The following ATF6 variants were observed in gnomAD, a reference collection of about 807,000 sequenced individuals.
The protein encoded by ATF6 is activating transcription factor 6.
Under a neutral mutation model 83.6 loss-of-function variants are expected in ATF6, and 53 were observed. The observed-to-expected ratio is 0.63, with a 90% CI of 0.51 to 0.80. ATF6 has a LOEUF of 0.80. ATF6 is among the 30% of genes least tolerant of loss of function. ATF6 has a pLI of 0.00. For synonymous variants in ATF6, 288 were observed against 285.8 expected (o/e 1.01, Z -0.08); for missense variants, 744 against 797.9 (o/e 0.93, Z 0.81).
At chr1:161,852,374 A>G (rs1465036265) in intron 11 of ATF6, among the ~76,000 whole-genome samples, 4 of 152,194 alleles carry the variant, frequency 2.6e-5, no homozygotes, top group Non-Finnish European at 5.9e-5. Context: ...AAATAAGGGA[A>G]GTTATATATG....
rs1439641746 is a variant in ATF6, at chr1:161,917,956, A to G, written c.1804+5576A>G. Among the ~76,000 whole-genome samples the G allele has an allele frequency of 2.0e-5, 3 of 152,320 alleles. No homozygotes were observed. In the East Asian group the frequency reaches 5.8e-4, roughly 29 times the overall value. On this transcript the variant is annotated intron_variant, in intron 15 of 15. Coordinates refer to ENST00000367942, the MANE Select transcript of ATF6 (RefSeq NM_007348.4). The stretch of plus-strand genomic sequence containing the variant: ...AATTCATACCATTTGCACAACCACT[A>G]TATAGCAGAGCCAAGATTTACATAC...
At chr1:161,782,026 T>C in intron 3 of ATF6, 27 bp downstream of exon 3, 1 of 1,478,188 alleles carries the variant, frequency 6.8e-7, no homozygotes, top group East Asian at 2.3e-5. Context: ...CTGGTAAAAG[T>C]TTTAAAAAGA....
intron 15 of ATF6, among the ~76,000 whole-genome samples, chr1:161,936,027 T>A (rs907846560): frequency 5.9e-5 from 9 of 152,240 alleles, no homozygotes; most frequent in Non-Finnish European, 1.0e-4. Flanking sequence ...ACCAGGTCTT[T>A]GAAGATGGCC....
chr1:161,798,049 A>C (rs919699075), intron 6 of ATF6, among the ~76,000 whole-genome samples: 2 of 152,168 alleles, frequency 1.3e-5, no homozygotes, highest in African/African-American at 2.4e-5. Flanking sequence ...TAACAAAAAC[A>C]AACAGTGGGG....
chr1:161,802,136 T>C lies in ATF6; in HGVS notation c.773T>C (p.Val258Ala). Reference sequence around the variant, plus strand: ...CCCTCTGCTCAGCCAGTCCTTGCTGTTGCTGGGGGAGTCACACAGCTCCCT... The same window carrying C: ...CCCTCTGCTCAGCCAGTCCTTGCTGCTGCTGGGGGAGTCACACAGCTCCCT... ...VLPSAQPVLA[V>A]AGGVTQLPNH... Residue 258 changes from valine to alanine, a missense_variant, in exon 7 of 16, where the codon GTT becomes GCT. By Grantham distance (64) the Val-to-Ala change is moderately conservative. Coordinates refer to ENST00000367942, the MANE Select transcript of ATF6 (RefSeq NM_007348.4). 1 of 1,614,124 alleles carries C rather than the reference T, an allele frequency of 6.2e-7. No homozygotes were observed. Among genetic ancestry groups the C allele is most frequent in the Admixed American group, 1.7e-5 (1 of 59,986 alleles).
intron 15 of ATF6, among the ~76,000 whole-genome samples, chr1:161,946,337 C>G (rs1688747127): frequency 6.6e-6 from 1 of 152,134 alleles, no homozygotes; most frequent in South Asian, 2.1e-4. Flanking sequence ...TTAGGAGGAG[C>G]CTGGGGAAGA....
chr1:161,946,118 C>T (rs1177336512), intron 15 of ATF6, among the ~76,000 whole-genome samples: 1 of 152,120 alleles, frequency 6.6e-6, no homozygotes, highest in Non-Finnish European at 1.5e-5. Context: ...TGTTAGCCTC[C>T]TGAGTAGCTG....
chr1:161,938,078 C>T (rs1399989873), intron 15 of ATF6, among the ~76,000 whole-genome samples: 2 of 152,140 alleles, frequency 1.3e-5, no homozygotes, highest in Non-Finnish European at 2.9e-5. Flanking sequence ...CTTGCTTCCT[C>T]CTCTGCATGC....
At chr1:161,859,699 T>C (rs976909791) in intron 12 of ATF6, among the ~76,000 whole-genome samples, 3 of 152,134 alleles carry the variant, frequency 2.0e-5, no homozygotes, top group Non-Finnish European at 4.4e-5. Flanking sequence ...GGGCCACTAA[T>C]GGGTGTAGAT....
chr1:161,824,064 G>A (rs948727743), intron 9 of ATF6, among the ~76,000 whole-genome samples: 9 of 152,252 alleles, frequency 5.9e-5, no homozygotes, highest in African/African-American at 1.2e-4. Flanking sequence ...GACTGTATCC[G>A]TTTACATTCC....
chr1:161,892,002 T>C (rs557437767), intron 14 of ATF6: 2 of 152,370 alleles, frequency 1.3e-5, no homozygotes, highest in African/African-American at 4.8e-5. Flanking sequence ...ACTTAAAAAC[T>C]AAATCTTAAA....
chr1:161,854,740 C>T (rs1486802807), intron 12 of ATF6, among the ~76,000 whole-genome samples: 2 of 151,976 alleles, frequency 1.3e-5, no homozygotes, highest in Non-Finnish European at 2.9e-5. Context: ...GGCGTGGTGG[C>T]GGGTGCCTGT....
intron 15 of ATF6, among the ~76,000 whole-genome samples, chr1:161,919,633 T>C (rs1236657607): frequency 6.6e-6 from 1 of 152,250 alleles, no homozygotes; most frequent in Non-Finnish European, 1.5e-5. Flanking sequence ...AACATGTTCA[T>C]TGATTTGTTT....
At chr1:161,956,014 C>G (rs200546573) in intron 15 of ATF6, among the ~76,000 whole-genome samples, 1 of 152,080 alleles carries the variant, frequency 6.6e-6, no homozygotes, top group East Asian at 1.9e-4. Flanking sequence ...TTTACATTTC[C>G]CTCAAAGCAT....
At position 161,958,636 on chromosome 1, in the gene ATF6, C is replaced by T; in HGVS notation, c.1995C>T (p.Ile665=). The T allele has an allele frequency of 1.2e-6, 2 of 1,612,894 alleles. No individual in the cohort carries two copies. Among genetic ancestry groups the T allele is most frequent in the East Asian group, 4.5e-5 (2 of 44,860 alleles). Residue 665 remains isoleucine (I), a synonymous_variant, in exon 16 of 16, where the codon ATC becomes ATT. Coordinates refer to ENST00000367942, the MANE Select transcript of ATF6 (RefSeq NM_007348.4). ...AGGCAACCCACGTTGTCAGCACCAT[C>T]CCTGAGTCATTACAATAGCACCCTG... The part of the protein sequence containing the change: ...ATEATHVVST[I]PESLQ
intron 9 of ATF6, among the ~76,000 whole-genome samples, chr1:161,833,014 C>T (rs1409297722): frequency 6.6e-5 from 10 of 151,850 alleles, no homozygotes; most frequent in Admixed American, 2.0e-4. Context: ...CCAGTAGGGG[C>T]GGACTGACAC....
chr1:161,829,025 A>G (rs1271035686), intron 9 of ATF6, among the ~76,000 whole-genome samples: 5 of 152,230 alleles, frequency 3.3e-5, no homozygotes, highest in Non-Finnish European at 7.4e-5. Context: ...AGAGATCAAA[A>G]GAGACAAAGA....
At chr1:161,815,697 C>A (rs1685596282) in intron 7 of ATF6, among the ~76,000 whole-genome samples, 1 of 152,062 alleles carries the variant, frequency 6.6e-6, no homozygotes, top group East Asian at 1.9e-4. Flanking sequence ...TGGGCCAGCA[C>A]TTTGAGAGGC....
At chr1:161,845,723 C>T (rs1213812941) in intron 9 of ATF6, among the ~76,000 whole-genome samples, 1 of 146,868 alleles carries the variant, frequency 6.8e-6, no homozygotes, top group African/African-American at 2.6e-5. Context: ...CTTCAGTGAG[C>T]TGTGATTGTG....
Sources: gnomAD v4.1 joint callset for allele counts (sites outside exome capture counted in the v4.1 genomes callset) on GRCh38, gnomAD v4.1.1 for gene constraint, MANE v1.5 for transcripts, NCBI Gene and HGNC (gene_info 2026-07-23, HGNC 2026-07-21) for gene names.